SPAG16: variants seen among roughly 807,000 people sequenced by gnomAD.
SPAG16 encodes the protein sperm associated antigen 16, also known as sperm-associated antigen 16 protein.
A neutral mutation model predicts 80.4 loss-of-function variants in SPAG16; 86 were observed. That is an observed-to-expected ratio of 1.07 (90% confidence interval 0.90 to 1.28). The LOEUF (loss-of-function observed/expected upper bound fraction) is 1.28, where lower values mean the gene tolerates loss of function less well. Among genes scored for constraint, SPAG16 ranks in the 50% most tolerant of loss-of-function variants. The probability of loss-of-function intolerance (pLI) is 0.00; values close to 1 mark genes in which losing one functional copy is unlikely to be tolerated. For missense variants in SPAG16, 870 were observed against 765.3 expected (o/e 1.14, Z -1.61); for synonymous variants, 294 against 265.9 (o/e 1.11, Z -1.03).
intron 10 of SPAG16, among the ~76,000 whole-genome samples, chr2:213,599,287 C>T (rs951339474): frequency 6.6e-6 from 1 of 152,148 alleles, no homozygotes; most frequent in Non-Finnish European, 1.5e-5. Context: ...ATACGAACTA[C>T]AAATTACTTA....
chr2:213,689,002 C>G (rs1373953729), intron 10 of SPAG16, among the ~76,000 whole-genome samples: 3 of 152,148 alleles, frequency 2.0e-5, no homozygotes, highest in African/African-American at 7.2e-5. Context: ...CTCTGTTGCC[C>G]AGGCTGGAGT....
At chr2:213,313,843 C>T (rs764134380) in intron 4 of SPAG16, among the ~76,000 whole-genome samples, 7 of 151,692 alleles carry the variant, frequency 4.6e-5, no homozygotes, top group African/African-American at 7.3e-5. Flanking sequence ...CTGACATCCT[C>T]GGTTTGTACA....
At chr2:213,881,153 G>C (rs897403007) in intron 11 of SPAG16, among the ~76,000 whole-genome samples, 2 of 152,048 alleles carry the variant, frequency 1.3e-5, no homozygotes, top group Non-Finnish European at 2.9e-5. Context: ...TTGTTTTGTA[G>C]TTCTCTTTAT....
chr2:213,984,663 T>C (rs551037370), intron 12 of SPAG16, among the ~76,000 whole-genome samples: 1 of 152,216 alleles, frequency 6.6e-6, no homozygotes, highest in East Asian at 1.9e-4. Context: ...GCTTTAGTTA[T>C]AGCTTTAATG....
chr2:213,491,726 G>A (rs2074243606), intron 10 of SPAG16, among the ~76,000 whole-genome samples: 1 of 152,192 alleles, frequency 6.6e-6, no homozygotes, highest in African/African-American at 2.4e-5. Context: ...ATGTGGAGAA[G>A]AAACAGAGGG....
At chr2:213,369,912 G>A (rs1013405179) in intron 8 of SPAG16, among the ~76,000 whole-genome samples, 8 of 152,052 alleles carry the variant, frequency 5.3e-5, no homozygotes, top group Admixed American at 6.6e-5. Flanking sequence ...TAATATCACC[G>A]AAGTCCATAG....
intron 13 of SPAG16, among the ~76,000 whole-genome samples, chr2:214,050,566 G>C (rs2049590021): frequency 6.6e-6 from 1 of 151,736 alleles, no homozygotes; most frequent in African/African-American, 2.4e-5. Flanking sequence ...AACAGAATTG[G>C]GACTCTTTTT....
intron 11 of SPAG16, among the ~76,000 whole-genome samples, chr2:213,916,107 C>G (rs1464133925): frequency 6.6e-6 from 1 of 152,140 alleles, no homozygotes; most frequent in Non-Finnish European, 1.5e-5. Context: ...TGCAGAAGCT[C>G]TTTAGTTTAA....
At chr2:214,059,186 C>CTG (rs1553706143) in intron 13 of SPAG16, among the ~76,000 whole-genome samples, 1 of 114,390 alleles carries the variant, frequency 8.7e-6, no homozygotes, top group South Asian at 3.1e-4. Flanking sequence ...CTCTCTCTGT[C>CTG]TATATATATA....
At chr2:213,928,464 A>G (rs2078594829) in intron 11 of SPAG16, among the ~76,000 whole-genome samples, 1 of 152,132 alleles carries the variant, frequency 6.6e-6, no homozygotes, top group Non-Finnish European at 1.5e-5. Flanking sequence ...AGAAACTTCA[A>G]GCTCTTTCTC....
chr2:213,844,188 C>T (rs1024368355), intron 10 of SPAG16, among the ~76,000 whole-genome samples: 1 of 152,160 alleles, frequency 6.6e-6, no homozygotes, highest in Non-Finnish European at 1.5e-5. Context: ...TTTCCAGTAA[C>T]TTAGCAGCAT....
At chr2:213,378,687 T>G (rs2067014110) in intron 9 of SPAG16, among the ~76,000 whole-genome samples, 1 of 152,250 alleles carries the variant, frequency 6.6e-6, no homozygotes, top group African/African-American at 2.4e-5. Context: ...TGGTTGTAGC[T>G]GGTATTGATT....
intron 1 of SPAG16, among the ~76,000 whole-genome samples, chr2:213,287,463 G>A (rs146705811): frequency 1.7e-3 from 262 of 152,298 alleles, no homozygotes; most frequent in African/African-American, 6.1e-3. Context: ...CTTGTCTAAA[G>A]AGACTTTGTT....
At chr2:213,405,224 C>G (rs1049721910) in intron 9 of SPAG16, among the ~76,000 whole-genome samples, 1 of 152,122 alleles carries the variant, frequency 6.6e-6, no homozygotes, top group African/African-American at 2.4e-5. Context: ...AAACATCCTA[C>G]AGTTAATTTT....
chr2:213,293,412 G>T lies in SPAG16; in HGVS notation c.137-2652G>T, dbSNP rs564060027. 2.0e-5 allele frequency among the ~76,000 whole-genome samples: 3 copies of T among 152,334 alleles called. No homozygotes were observed. The South Asian group carries it at 6.2e-4, about 32-fold the overall frequency. ...TGAGTAGACGTGACCCATGTAACCA[G>T]TGGGATATTGAAGAAATGATGTGTG... is the stretch of plus-strand genomic sequence containing the variant. On this transcript the variant is annotated intron_variant, in intron 1 of 15. Transcript: ENST00000331683.
intron 15 of SPAG16, among the ~76,000 whole-genome samples, chr2:214,306,950 G>C (rs1694960451): frequency 6.6e-6 from 1 of 152,136 alleles, no homozygotes; most frequent in African/African-American, 2.4e-5. Context: ...AGTGGTTTCA[G>C]TAGGAATGGC....
chr2:213,705,311 GA>G (rs1052981226), intron 10 of SPAG16, among the ~76,000 whole-genome samples: 2 of 151,954 alleles, frequency 1.3e-5, no homozygotes, highest in Admixed American at 6.6e-5. Flanking sequence ...AGGAAGGAAG[GA>G]AGGAATCAAG....
chr2:214,090,365 TCAA>T (rs1353755306), intron 13 of SPAG16, among the ~76,000 whole-genome samples: 2 of 151,886 alleles, frequency 1.3e-5, no homozygotes, highest in East Asian at 1.9e-4. Context: ...TCTGAGAAGC[TCAA>T]CAAGTCTTTC....
chr2:214,065,773 A>G (rs1027042766), intron 13 of SPAG16, among the ~76,000 whole-genome samples: 1 of 152,164 alleles, frequency 6.6e-6, no homozygotes, highest in Non-Finnish European at 1.5e-5. Flanking sequence ...TGTAGCCCAG[A>G]TAAAATGAGC....
Sources: gnomAD v4.1 joint callset for allele counts (sites outside exome capture counted in the v4.1 genomes callset) on GRCh38, gnomAD v4.1.1 for gene constraint, MANE v1.5 for transcripts, NCBI Gene and HGNC (gene_info 2026-07-23, HGNC 2026-07-21) for gene names.